The following PIWIL2 variants were observed in gnomAD, a reference collection of about 807,000 sequenced individuals.
The protein encoded by PIWIL2 is piwi-like protein 2.
PIWIL2 carries 81 observed loss-of-function variants against 116.5 expected under a neutral mutation model. The ratio of observed to expected loss-of-function variants is 0.70; its 90% CI spans 0.58 to 0.84. The LOEUF is 0.84. PIWIL2 is among the 40% of genes least tolerant of loss of function. PIWIL2 has a pLI of 0.00. For synonymous variants in PIWIL2, 489 were observed against 429.5 expected, an observed-to-expected ratio of 1.14 and a Z score of -1.71; for missense variants, 1,272 against 1,212.3, an observed-to-expected ratio of 1.05 and a Z score of -0.73.
intron 20 of PIWIL2, among the ~76,000 whole-genome samples, chr8:22,343,271 G>A (rs1018822078): frequency 9.8e-5 from 15 of 152,286 alleles, no homozygotes; most frequent in African/African-American, 3.1e-4. Context: ...GGGTGTGGTG[G>A]CGCATGACTG....
chr8:22,342,359 C>G (rs1832130068), intron 20 of PIWIL2, among the ~76,000 whole-genome samples: 1 of 152,172 alleles, frequency 6.6e-6, no homozygotes, highest in Non-Finnish European at 1.5e-5. Flanking sequence ...AGGTCTGATA[C>G]TGCCTAGCTC....
chr8:22,350,518 G>A (rs1003265902), intron 20 of PIWIL2, among the ~76,000 whole-genome samples: 1 of 152,060 alleles, frequency 6.6e-6, no homozygotes, highest in African/African-American at 2.4e-5. Context: ...GATGGCTTGA[G>A]CCTGGGAGGT....
intron 10 of PIWIL2, among the ~76,000 whole-genome samples, chr8:22,296,253 A>T (rs574654615): frequency 5.5e-4 from 84 of 151,730 alleles, no homozygotes; most frequent in South Asian, 4.8e-3. Flanking sequence ...CACCACATTG[A>T]TGAGGACGGT....
At chr8:22,353,659 A>T (rs1832424561) in intron 21 of PIWIL2, among the ~76,000 whole-genome samples, 1 of 152,116 alleles carries the variant, frequency 6.6e-6, no homozygotes, top group Non-Finnish European at 1.5e-5. Context: ...AAAAAGATTT[A>T]AAAACAAGAA....
intron 20 of PIWIL2, among the ~76,000 whole-genome samples, chr8:22,339,201 A>G (rs899731450): frequency 7.9e-5 from 12 of 152,266 alleles, no homozygotes; most frequent in Middle Eastern, 3.4e-3. Flanking sequence ...AAAGACCTAA[A>G]TGTAAGAATT....
chr8:22,346,730 T>C (rs931893180), intron 20 of PIWIL2, among the ~76,000 whole-genome samples: 1 of 152,130 alleles, frequency 6.6e-6, no homozygotes, highest in Non-Finnish European at 1.5e-5. Flanking sequence ...AGGTAAAAAT[T>C]TCAATGTTTA....
At chr8:22,340,134 C>A (rs1221271428) in intron 20 of PIWIL2, among the ~76,000 whole-genome samples, 1 of 146,784 alleles carries the variant, frequency 6.8e-6, no homozygotes, top group Non-Finnish European at 1.5e-5. Flanking sequence ...CTCACCGCAA[C>A]CTCCGCCTCC....
intron 20 of PIWIL2, chr8:22,322,093 A>G (rs761023224): frequency 3.4e-5 from 14 of 413,792 alleles, no homozygotes; most frequent in Non-Finnish European, 4.2e-5. Flanking sequence ...TAGAGTTCCC[A>G]TACATCCTTC....
At chr8:22,303,851 T>C (rs1831110632) in intron 10 of PIWIL2, among the ~76,000 whole-genome samples, 170 bp from the exon 11 acceptor site, 1 of 152,186 alleles carries the variant, frequency 6.6e-6, no homozygotes, top group Non-Finnish European at 1.5e-5. Flanking sequence ...AATGCTGGGA[T>C]TACAAGCGTG....
intron 20 of PIWIL2, among the ~76,000 whole-genome samples, chr8:22,342,273 A>C (rs926513933): frequency 2.0e-5 from 3 of 152,206 alleles, no homozygotes; most frequent in Non-Finnish European, 2.9e-5. Context: ...ATCTTACTCA[A>C]AATCCCAGCA....
intron 14 of PIWIL2, among the ~76,000 whole-genome samples, chr8:22,309,682 T>C (rs1831278671): frequency 6.6e-6 from 1 of 152,256 alleles, no homozygotes; most frequent in African/African-American, 2.4e-5. Flanking sequence ...TATTCAGTCA[T>C]TCTAAATAGA....
chr8:22,302,208 G>A (rs564392417), intron 10 of PIWIL2, among the ~76,000 whole-genome samples: 1 of 151,466 alleles, frequency 6.6e-6, no homozygotes, highest in African/African-American at 2.4e-5. Flanking sequence ...TTTGAGATGG[G>A]GTCTCGCTCT....
chr8:22,337,320 C>A (rs1832002238), intron 20 of PIWIL2, among the ~76,000 whole-genome samples: 1 of 152,068 alleles, frequency 6.6e-6, no homozygotes, highest in Non-Finnish European at 1.5e-5. Flanking sequence ...GATACAAGAT[C>A]AGTATATAAT....
rs1328884496 is a variant in PIWIL2, at chr8:22,287,540, G to T, written c.756G>T (p.Glu252Asp). The change falls in exon 7 of 23, where the codon GAG becomes GAT. Residue 252 changes from glutamate to aspartate, a missense_variant. Coordinates refer to ENST00000356766, the MANE Select transcript of PIWIL2 (RefSeq NM_018068.5). Reference protein sequence around the residue: ...QYHVTFSPNVECKSMRFGMLK... With the variant: ...QYHVTFSPNVDCKSMRFGMLK... ...CATTATTTTCCAGCCCCAATGTGGAGTGCAAAAGCATGAGGTTCGGCATGT... is the reference window on the plus strand; with the variant it reads ...CATTATTTTCCAGCCCCAATGTGGATTGCAAAAGCATGAGGTTCGGCATGT... The T allele has an allele frequency of 1.9e-6, 3 of 1,610,814 alleles. No individual in the cohort carries two copies. The highest frequency in any genetic ancestry group is 2.5e-6 in the Non-Finnish European group (3 of 1,177,072).
chr8:22,294,190 T>G (rs1830830862), intron 10 of PIWIL2, among the ~76,000 whole-genome samples: 1 of 150,654 alleles, frequency 6.6e-6, no homozygotes, highest in South Asian at 2.1e-4. Flanking sequence ...ATACAAAAAT[T>G]AGCCAGGCGT....
intron 20 of PIWIL2, among the ~76,000 whole-genome samples, chr8:22,326,968 A>G (rs1481086228): frequency 6.6e-6 from 1 of 151,710 alleles, no homozygotes; most frequent in African/African-American, 2.4e-5. Context: ...CCAGTAATGC[A>G]GAAGTTTTCA....
intron 2 of PIWIL2, among the ~76,000 whole-genome samples, chr8:22,279,927 A>AGT (rs1458346659): frequency 1.3e-5 from 2 of 152,240 alleles, no homozygotes; most frequent in African/African-American, 4.8e-5. Flanking sequence ...AGTGCACTCC[A>AGT]GCCTGGGCAA....
intron 10 of PIWIL2, among the ~76,000 whole-genome samples, chr8:22,292,235 A>G (rs1830783005): frequency 6.6e-6 from 1 of 152,218 alleles, no homozygotes; most frequent in Non-Finnish European, 1.5e-5. Context: ...TGTGAGTGAA[A>G]TGCAGGACTT....
Position 22,355,430 on chromosome 8 carries a change from G to T in PIWIL2, c.2847G>T (p.Lys949Asn), listed in dbSNP as rs372660130. The T allele has an allele frequency of 6.2e-7, 1 of 1,614,032 alleles. No individual in the cohort carries two copies. Among genetic ancestry groups the T allele is most frequent in the Non-Finnish European group, 8.5e-7 (1 of 1,180,014 alleles). ...CAGCTCCTTGCAAGTATGCCCACAA[G>T]CTAGCTTTCCTGTCAGGACACATCT... ...RVPAPCKYAH[K>N]LAFLSGHILH... is the part of the protein sequence containing the mutation. Residue 949 changes from lysine to asparagine, a missense_variant, in exon 23 of 23, where the codon AAG (lysine) becomes AAT (asparagine). Physicochemically the swap from Lys to Asn is moderately conservative, Grantham distance 94. Transcript: ENST00000356766.
Sources: gnomAD v4.1 joint callset for allele counts (sites outside exome capture counted in the v4.1 genomes callset) on GRCh38, gnomAD v4.1.1 for gene constraint, MANE v1.5 for transcripts, NCBI Gene and HGNC (gene_info 2026-07-23, HGNC 2026-07-21) for gene names.